The following TBRG4 variants were observed in gnomAD, a reference collection of about 807,000 sequenced individuals.
TBRG4 encodes FAST kinase domain-containing protein 4.
TBRG4 carries 43 observed loss-of-function variants against 65.6 expected under a neutral mutation model. The observed-to-expected ratio is 0.66, with a 90% CI of 0.51 to 0.85. TBRG4 has a LOEUF of 0.85. TBRG4 is among the 40% of genes least tolerant of loss of function. The probability of loss-of-function intolerance (pLI) is 0.00; values close to 1 mark genes in which losing one functional copy is unlikely to be tolerated. For synonymous variants in TBRG4, 366 were observed against 341.4 expected (o/e 1.07, Z -0.79); for missense variants, 709 against 787.9 (o/e 0.90, Z 1.20).
At chr7:45,111,319 G>A (rs991924502) in intron 1 of TBRG4, 1 of 166,148 alleles carries the variant, frequency 6.0e-6, no homozygotes, top group Admixed American at 6.4e-5. Flanking sequence ...AGCCAGACTT[G>A]AGTTTAGGCA....
At position 45,105,584 on chromosome 7, in the gene TBRG4, G is replaced by C; in HGVS notation, c.592C>G (p.Gln198Glu). The part of the protein sequence containing the change: ...AESCATLSQE[Q>E]HSQELLAELL... ...TCAGCCAGCAGCTCCTGCGAGTGCT[G>C]CTCCTGTGAGAGGGTGGCACAGGAC... The change falls in exon 3 of 11, where the codon CAG becomes GAG. Residue 198 changes from glutamine (Q) to glutamate (E), a missense_variant. Gln to Glu is a conservative substitution (Grantham distance 29). Coordinates refer to ENST00000258770, the MANE Select transcript of TBRG4 (RefSeq NM_004749.4). 1.2e-6 allele frequency: 2 copies of C among 1,614,154 alleles called. No individual in the cohort carries two copies. Among genetic ancestry groups the C allele is most frequent in the Non-Finnish European group, 1.7e-6 (2 of 1,180,040 alleles).
chr7:45,108,103 C>T (rs982688224), intron 2 of TBRG4, among the ~76,000 whole-genome samples: 6 of 152,264 alleles, frequency 3.9e-5, no homozygotes, highest in African/African-American at 1.4e-4. Flanking sequence ...GTTAGTGCAA[C>T]TCCTTCCTTG....
In TBRG4 at chr7:45,104,684, C is replaced by A; in HGVS notation, c.761G>T (p.Gly254Val). 6.2e-7 allele frequency: 1 copy of A among 1,613,872 alleles called. No individual in the cohort carries two copies. The highest frequency in any genetic ancestry group is 1.7e-5 in the Admixed American group (1 of 60,018). The change falls in exon 4 of 11, where the codon GGC becomes GTC. Residue 254 changes from glycine (G) to valine (V), a missense_variant. Gly to Val is a moderately radical substitution (Grantham distance 109). Transcript: ENST00000258770. ...CAGCACCTTCCGCAGCTCATTGGGG[C>A]CAAAGTGCTCCACCAACTCCAGGCA... ...DKCLELVEHF[G>V]PNELRKVLVM...
In TBRG4 at chr7:45,109,039, A is replaced by C; in HGVS notation, c.199T>G (p.Tyr67Asp). The C allele has an allele frequency of 1.9e-6, 3 of 1,613,316 alleles. No homozygotes were observed. Among genetic ancestry groups the C allele is most frequent in the Non-Finnish European group, 2.5e-6 (3 of 1,179,558 alleles). The change falls in exon 2 of 11, where the codon TAC (tyrosine) becomes GAC (aspartate). Residue 67 changes from tyrosine (Y) to aspartate (D), a missense_variant. Transcript: ENST00000258770. ...AGGTGGTCCACCTGCTTCTCTATGT[A>C]GGGAGTAGATGCTCGTTCCTTCTCC... ...PVEKERASTP[Y>D]IEKQVDHLIK...
chr7:45,111,485 C>A, intron 1 of TBRG4, 158 bp downstream of exon 1: 1 of 913,880 alleles, frequency 1.1e-6, no homozygotes, highest in East Asian at 6.5e-5. Context: ...CACTGGCAAG[C>A]CAGCACGGAA....
Position 45,109,135 on chromosome 7 carries a change from C to A in TBRG4, c.103G>T (p.Ala35Ser), listed in dbSNP as rs1785046172. 1 of 1,614,206 alleles carries A rather than the reference C, an allele frequency of 6.2e-7. No homozygotes were observed. Among genetic ancestry groups the A allele is most frequent in the Middle Eastern group, 1.6e-4 (1 of 6,062 alleles). Residue 35 changes from alanine (A) to serine (S), a missense_variant, in exon 2 of 11, where the codon GCC (alanine) becomes TCC (serine). Coordinates refer to ENST00000258770, the MANE Select transcript of TBRG4 (RefSeq NM_004749.4). ...GCTGAGGAAGTCAGAGTCTTATGGGCTACCCAGGCAAGTCTCAGTCGGCCA... is the reference window on the plus strand; with the variant it reads ...GCTGAGGAAGTCAGAGTCTTATGGGATACCCAGGCAAGTCTCAGTCGGCCA... Reference protein sequence around the residue: ...PVGRLRLAWVAHKTLTSSATS... With the variant: ...PVGRLRLAWVSHKTLTSSATS...
chr7:45,106,007 A>G, intron 2 of TBRG4: 1 of 719,588 alleles, frequency 1.4e-6, no homozygotes, highest in Non-Finnish European at 2.6e-6. Flanking sequence ...CCTGGGACAC[A>G]GTAACAGGGC....
At chr7:45,107,443 T>C (rs1046922087) in intron 2 of TBRG4, 8 of 152,238 alleles carry the variant, frequency 5.3e-5, no homozygotes, top group Admixed American at 4.6e-4. Context: ...AATCCAGCCT[T>C]GCAGAAGAGA....
intron 6 of TBRG4, 138 bp downstream of exon 6, chr7:45,103,195 T>A: frequency 1.4e-6 from 1 of 697,758 alleles, no homozygotes. Context: ...CTCCAATCAG[T>A]TCCCCCTGCC....
rs79615968 is a variant in TBRG4 at position 45,102,535 on chromosome 7, G to A, written c.1177-44C>T. 4.8e-4 allele frequency: 759 copies of A among 1,591,336 alleles called. 7 individuals carry two copies. The African/African-American group carries it at 9.4e-3, about 20-fold the overall frequency. On this transcript the variant is annotated intron_variant, in intron 6 of 10. Coordinates refer to ENST00000258770, the MANE Select transcript of TBRG4 (RefSeq NM_004749.4). The stretch of plus-strand genomic sequence containing the variant: ...TGGTGGAGAAAGCAGGCTCTCCTTA[G>A]GGGCTGCAAATAGCCATGGGTGAGA...
chr7:45,105,303 T>C (rs1220483134), intron 3 of TBRG4, 138 bp downstream of exon 3: 1 of 988,768 alleles, frequency 1.0e-6, no homozygotes. Context: ...ATGTGATGCC[T>C]GAGGCTCCAG....
Position 45,111,614 on chromosome 7 carries a change from G to A in TBRG4, c.-51+29C>T, listed in dbSNP as rs770636946. On this transcript the variant is annotated intron_variant, in intron 1 of 10. Coordinates refer to ENST00000258770, the MANE Select transcript of TBRG4 (RefSeq NM_004749.4). ...GTGCACTCGAAACCCACGATCAGCC[G>A]CCCCTTCTCCCCGTGCCACAAGACC... The A allele has an allele frequency of 1.4e-5, 18 of 1,289,108 alleles. No homozygotes were observed. In the East Asian group the frequency reaches 8.9e-4, roughly 64 times the overall value. 79.9% of individuals were successfully genotyped at this position (1,289,108 alleles called of 1,614,324 possible).
intron 1 of TBRG4, among the ~76,000 whole-genome samples, chr7:45,110,392 C>T (rs905475685): frequency 6.6e-6 from 1 of 152,176 alleles, no homozygotes; most frequent in Non-Finnish European, 1.5e-5. Context: ...ATCGGCCAGG[C>T]GCAGTGGCTC....
intron 2 of TBRG4, chr7:45,106,649 G>C (rs1295835655): frequency 6.6e-6 from 1 of 152,568 alleles, no homozygotes; most frequent in Non-Finnish European, 1.5e-5. Flanking sequence ...GGTGGCACAT[G>C]CCTGTAGTCC....
Position 45,102,029 on chromosome 7 carries a change from G to A in TBRG4, c.1363C>T (p.Leu455Phe). 2 of 1,565,716 alleles carry A rather than the reference G, an allele frequency of 1.3e-6. No individual in the cohort carries two copies. Among genetic ancestry groups the A allele is most frequent in the Non-Finnish European group, 1.7e-6 (2 of 1,161,200 alleles). ...AGCAGGGCAGTGGCGTTGATGTGGA[G>A]CAGCTTCTGGAAGGTGTTCTGATCC... ...QKDQNTFQKLLHINATALLEY... is the reference protein window; with the variant it reads ...QKDQNTFQKLFHINATALLEY... Residue 455 changes from leucine to phenylalanine, a missense_variant, in exon 8 of 11, where the codon CTC (leucine) becomes TTC (phenylalanine). Transcript: ENST00000258770.
At position 45,104,658 on chromosome 7, in the gene TBRG4, C is replaced by G. The variant is rs1784880571; in HGVS notation, c.787G>C (p.Val263Leu). ...CGCCGGCTCTGAGCTGCCAGCATCA[C>G]CAGCACCTTCCGCAGCTCATTGGGG... ...FGPNELRKVL[V>L]MLAAQSRRSV... Residue 263 changes from valine (V) to leucine (L), a missense_variant, in exon 4 of 11, where the codon GTG becomes CTG. Physicochemically the swap from Val to Leu is conservative, Grantham distance 32. Coordinates refer to ENST00000258770, the MANE Select transcript of TBRG4 (RefSeq NM_004749.4). 5.6e-6 allele frequency: 9 copies of G among 1,613,966 alleles called. No individual in the cohort carries two copies. Among genetic ancestry groups the G allele is most frequent in the Non-Finnish European group, 7.6e-6 (9 of 1,180,032 alleles).
At chr7:45,111,614 G>C (rs770636946) in intron 1 of TBRG4, 29 bp downstream of exon 1, 1 of 1,289,108 alleles carries the variant, frequency 7.8e-7, no homozygotes, top group African/African-American at 1.5e-5. Context: ...ACGATCAGCC[G>C]CCCCTTCTCC....
At position 45,103,336 on chromosome 7, in the gene TBRG4, G is replaced by C; in HGVS notation, c.1173C>G (p.Ser391Arg). Reference protein sequence around the residue: ...FHPDQEDQFFSLVHEKLGSEL... With the variant: ...FHPDQEDQFFRLVHEKLGSEL... Reference sequence around the variant, plus strand: ...AGTGGGAGCCCAGAGGCCCTACCAGGCTGAAGAACTGATCCTCTTGGTCTG... The same window carrying C: ...AGTGGGAGCCCAGAGGCCCTACCAGCCTGAAGAACTGATCCTCTTGGTCTG... Residue 391 changes from serine (S) to arginine (R), a missense_variant, in exon 6 of 11, where the codon AGC becomes AGG. Physicochemically the swap from Ser to Arg is moderately radical, Grantham distance 110 (BLOSUM62 -1). Transcript: ENST00000258770. 1 of 1,612,008 alleles carries C rather than the reference G, an allele frequency of 6.2e-7. No individual in the cohort carries two copies. The highest frequency in any genetic ancestry group is 8.5e-7 in the Non-Finnish European group (1 of 1,178,852).
chr7:45,100,474 C>G, intron 10 of TBRG4, 48 bp from the exon 11 acceptor site: 1 of 1,494,220 alleles, frequency 6.7e-7, no homozygotes. Flanking sequence ...GAGATCCCTT[C>G]CAGCCAGTGG....
Sources: gnomAD v4.1 joint callset for allele counts (sites outside exome capture counted in the v4.1 genomes callset) on GRCh38, gnomAD v4.1.1 for gene constraint, MANE v1.5 for transcripts, NCBI Gene and HGNC (gene_info 2026-07-23, HGNC 2026-07-21) for gene names.